TMEM117: variants seen among roughly 807,000 people sequenced by gnomAD.
TMEM117 encodes transmembrane protein 117.
In TMEM117, 27 loss-of-function variants were observed where a neutral mutation model predicts 52.4. The ratio of observed to expected loss-of-function variants is 0.51; its 90% CI spans 0.38 to 0.71. TMEM117 has a LOEUF of 0.71. Ranked by LOEUF, TMEM117 falls within the 30% of genes least tolerant of loss-of-function variation. The probability of loss-of-function intolerance (pLI) is 0.00; values close to 1 mark genes in which losing one functional copy is unlikely to be tolerated. For synonymous variants in TMEM117, 215 were observed against 206.3 expected (o/e 1.04, Z -0.36); for missense variants, 556 against 630.5 (o/e 0.88, Z 1.26).
chr12:44,102,501 T>G (rs907234721), intron 3 of TMEM117, among the ~76,000 whole-genome samples: 4 of 151,958 alleles, frequency 2.6e-5, no homozygotes, highest in Admixed American at 6.6e-5. Context: ...TCTCTGGCTT[T>G]CTTTCTCTTC....
rs192210016 is a variant in TMEM117 at position 43,919,186 on chromosome 12, A to G, written c.278-25024A>G. Reference sequence around the variant, plus strand: ...GTATACCCTCTTTAACAAATTTGTAAGTGTACAATACGTTATTGTTGACTC... The same window carrying G: ...GTATACCCTCTTTAACAAATTTGTAGGTGTACAATACGTTATTGTTGACTC... On this transcript the variant is annotated intron_variant, in intron 2 of 7. Coordinates refer to ENST00000266534, the MANE Select transcript of TMEM117 (RefSeq NM_032256.3). Among the ~76,000 whole-genome samples, 3 of 152,326 alleles carry G rather than the reference A, an allele frequency of 2.0e-5. No individual in the cohort carries two copies. The East Asian group carries it at 5.8e-4, about 29-fold the overall frequency.
At chr12:44,167,276 G>C (rs1434714923) in intron 4 of TMEM117, among the ~76,000 whole-genome samples, 1 of 152,152 alleles carries the variant, frequency 6.6e-6, no homozygotes, top group African/African-American at 2.4e-5. Context: ...AGGTTGCCTT[G>C]CATTAAATGC....
At chr12:44,138,396 A>G (rs1392181906) in intron 3 of TMEM117, among the ~76,000 whole-genome samples, 1 of 152,094 alleles carries the variant, frequency 6.6e-6, no homozygotes. Flanking sequence ...AAAGGGAGAA[A>G]TTGATGTAAT....
intron 1 of TMEM117, among the ~76,000 whole-genome samples, chr12:43,842,719 T>C (rs2137350864): frequency 7.1e-6 from 1 of 141,062 alleles, no homozygotes; most frequent in South Asian, 2.1e-4. Context: ...GGATTCTTTC[T>C]CAACACACAC....
chr12:43,949,042 T>C (rs1341562379), intron 3 of TMEM117, among the ~76,000 whole-genome samples: 3 of 151,808 alleles, frequency 2.0e-5, no homozygotes, highest in African/African-American at 7.3e-5. Flanking sequence ...TGGGCTACAG[T>C]GGGAGGGGGA....
intron 3 of TMEM117, among the ~76,000 whole-genome samples, chr12:43,996,795 C>G (rs1361424540): frequency 6.6e-6 from 1 of 152,078 alleles, no homozygotes; most frequent in Non-Finnish European, 1.5e-5. Context: ...TTAGTCGGAT[C>G]AGAGATGGGC....
chr12:44,037,106 C>G (rs1592461581), intron 3 of TMEM117, among the ~76,000 whole-genome samples: 1 of 152,204 alleles, frequency 6.6e-6, no homozygotes, highest in East Asian at 1.9e-4. Flanking sequence ...CCGCTCCCTT[C>G]CAAGTGGGCA....
chr12:44,246,349 A>G (rs1950129551), intron 5 of TMEM117, among the ~76,000 whole-genome samples: 1 of 152,216 alleles, frequency 6.6e-6, no homozygotes, highest in Admixed American at 6.5e-5. Flanking sequence ...ATTAACCACA[A>G]GGAGAATTGG....
At chr12:44,004,164 A>C (rs1946158544) in intron 3 of TMEM117, among the ~76,000 whole-genome samples, 1 of 152,206 alleles carries the variant, frequency 6.6e-6, no homozygotes, top group Admixed American at 6.5e-5. Flanking sequence ...CCTGCTCTCG[A>C]ACCCTGCTGG....
intron 4 of TMEM117, among the ~76,000 whole-genome samples, chr12:44,184,075 G>T (rs1949243001): frequency 6.6e-6 from 1 of 152,176 alleles, no homozygotes; most frequent in African/African-American, 2.4e-5. Context: ...CCCGGGTGCA[G>T]TGGCTTCCAC....
chr12:44,200,531 A>C (rs1474009793), intron 4 of TMEM117, among the ~76,000 whole-genome samples: 8 of 152,142 alleles, frequency 5.3e-5, no homozygotes. Context: ...AAATTTGCCA[A>C]AAATCTGTGT....
At chr12:43,856,510 C>T (rs947013668) in intron 2 of TMEM117, among the ~76,000 whole-genome samples, 1 of 152,118 alleles carries the variant, frequency 6.6e-6, no homozygotes, top group Non-Finnish European at 1.5e-5. Context: ...ATGAAACAGT[C>T]CCTCATACCC....
chr12:44,135,856 A>G (rs1004602678), intron 3 of TMEM117, among the ~76,000 whole-genome samples: 2 of 152,172 alleles, frequency 1.3e-5, no homozygotes, highest in African/African-American at 4.8e-5. Context: ...ATTTGCAACC[A>G]TGAACACTTG....
intron 3 of TMEM117, among the ~76,000 whole-genome samples, chr12:44,083,399 T>TG (rs1947515464): frequency 1.4e-5 from 2 of 144,954 alleles, no homozygotes; most frequent in South Asian, 4.5e-4. Flanking sequence ...GTTTTTTTTT[T>TG]TTTTTTTTTT....
chr12:43,949,291 A>G (rs1207312552), intron 3 of TMEM117, among the ~76,000 whole-genome samples: 1 of 152,204 alleles, frequency 6.6e-6, no homozygotes, highest in Non-Finnish European at 1.5e-5. Context: ...CAAGTGCCCC[A>G]TCTAACCTTT....
intron 2 of TMEM117, among the ~76,000 whole-genome samples, chr12:43,917,019 T>TTATAAA (rs760684357): frequency 0.01 from 1,595 of 152,266 alleles, 27 homozygotes; most frequent in East Asian, 0.041. Flanking sequence ...ACCATTTATT[T>TTATAAA]ACGGCCTCCC....
At chr12:43,971,275 T>C (rs1945582047) in intron 3 of TMEM117, among the ~76,000 whole-genome samples, 1 of 152,206 alleles carries the variant, frequency 6.6e-6, no homozygotes, top group Non-Finnish European at 1.5e-5. Context: ...CATGTGGTGG[T>C]AATTCCTCTA....
chr12:44,121,465 G>T (rs879456107), intron 3 of TMEM117, among the ~76,000 whole-genome samples: 1 of 152,098 alleles, frequency 6.6e-6, no homozygotes, highest in Non-Finnish European at 1.5e-5. Context: ...TGACGGGGAT[G>T]AAGACCTTTA....
At chr12:44,177,955 G>A (rs111333814) in intron 4 of TMEM117, among the ~76,000 whole-genome samples, 3 of 152,134 alleles carry the variant, frequency 2.0e-5, no homozygotes, top group African/African-American at 7.2e-5. Context: ...TGTTCCAACT[G>A]TTGAAGTTAT....
Sources: allele counts gnomAD v4.1 joint callset (sites outside exome capture counted in the v4.1 genomes callset), GRCh38; gene constraint gnomAD v4.1.1; transcripts MANE v1.5; gene names NCBI Gene and HGNC (gene_info 2026-07-23, HGNC 2026-07-21).